The following ANKMY1 variants were observed in gnomAD, a reference collection of about 807,000 sequenced individuals.
ANKMY1 encodes the protein ankyrin repeat and MYND domain containing 1.
ANKMY1 carries 98 observed loss-of-function variants against 102.0 expected under a neutral mutation model. That is an observed-to-expected ratio of 0.96 (90% confidence interval 0.82 to 1.14). The LOEUF (loss-of-function observed/expected upper bound fraction) is 1.14. Ranked by LOEUF, ANKMY1 falls within the 50% of genes most tolerant of loss-of-function variation. The probability of loss-of-function intolerance (pLI) is 0.00; values close to 1 mark genes in which losing one functional copy is unlikely to be tolerated. For missense variants in ANKMY1, 1,330 were observed against 1,347.6 expected (o/e 0.99, Z 0.20); for synonymous variants, 582 against 559.9 (o/e 1.04, Z -0.56).
rs2083618820 is a variant in ANKMY1 at position 240,527,041 on chromosome 2, G to GT, written c.954-597dup. The GT allele has an allele frequency of 2.4e-5, 24 of 985,994 alleles. No individual in the cohort carries two copies. In the South Asian group the frequency reaches 1.1e-3, roughly 43 times the overall value. The allele number at this position is 985,994 out of a possible 1,614,324, so 61.1% of individuals were successfully genotyped here. Reference sequence around the variant, plus strand: ...GCATGATGGATGGATGGATGGTTGGGTAGGTGGATGTATGTTGCATGAGTG... The same window carrying GT: ...GCATGATGGATGGATGGATGGTTGGGTTAGGTGGATGTATGTTGCATGAGTG... On this transcript the variant is annotated intron_variant, in intron 5 of 17. Transcript: ENST00000401804.
intron 9 of ANKMY1, among the ~76,000 whole-genome samples, chr2:240,515,317 A>AC (rs2080987628): frequency 2.0e-5 from 3 of 152,160 alleles, no homozygotes; most frequent in African/African-American, 7.2e-5. Context: ...TGGGCGGATC[A>AC]CTAGGTCAGG....
At chr2:240,549,975 A>G (rs2091204053) in intron 4 of ANKMY1, among the ~76,000 whole-genome samples, 1 of 151,880 alleles carries the variant, frequency 6.6e-6, no homozygotes. Context: ...TCAGGGATCT[A>G]GAACTAGAAA....
chr2:240,507,050 A>G (rs2079198648), intron 13 of ANKMY1, among the ~76,000 whole-genome samples: 1 of 152,006 alleles, frequency 6.6e-6, no homozygotes, highest in South Asian at 2.1e-4. Context: ...GGTGAGGTCT[A>G]TGTCTATCCT....
At chr2:240,557,510 A>G (rs1165904036) in intron 1 of ANKMY1, 158 bp from the exon 2 acceptor site, 3 of 780,288 alleles carry the variant, frequency 3.8e-6, no homozygotes, top group East Asian at 3.3e-5. Flanking sequence ...GTCCCGGACC[A>G]CCATCCCTGG....
intron 4 of ANKMY1, among the ~76,000 whole-genome samples, chr2:240,549,624 G>GGGCTA (rs1476233213): frequency 9.2e-5 from 14 of 152,018 alleles, no homozygotes; most frequent in South Asian, 4.1e-4. Flanking sequence ...ATCTGACAAA[G>GGGCTA]GGCTAATATC....
intron 4 of ANKMY1, among the ~76,000 whole-genome samples, chr2:240,530,488 A>G (rs934782446): frequency 6.6e-6 from 1 of 152,134 alleles, no homozygotes; most frequent in African/African-American, 2.4e-5. Flanking sequence ...CTCCCACCAC[A>G]TGATGTGCCT....
chr2:240,472,063 C>G, the ANKMY1 span, among the ~76,000 whole-genome samples: 9 of 151,940 alleles, frequency 5.9e-5, no homozygotes, highest in African/African-American at 2.2e-4. Context: ...CAAGGACGTG[C>G]TGGGAGACAC....
At chr2:240,519,018 G>A in intron 9 of ANKMY1, among the ~76,000 whole-genome samples, 1 of 152,226 alleles carries the variant, frequency 6.6e-6, no homozygotes, top group East Asian at 1.9e-4. Context: ...TCAACACCCT[G>A]TGAAGAAGGT....
rs965081823 is a variant in ANKMY1 at position 240,500,090 on chromosome 2, G to A, written c.2674C>T (p.Leu892=). ...RRIARCPFHT[L]MPAERETFLA... is the part of the protein sequence containing the mutation. Reference sequence around the variant, plus strand: ...AACGTCTCGCGCTCTGCTGGCATCAGCGTGTGGAAGGGGCAGCGGGCAATC... The same window carrying A: ...AACGTCTCGCGCTCTGCTGGCATCAACGTGTGGAAGGGGCAGCGGGCAATC... Residue 892 remains leucine, a synonymous_variant, in exon 15 of 18, where the codon CTG becomes TTG. Coordinates refer to ENST00000401804, the MANE Select transcript of ANKMY1 (RefSeq NM_001282771.3). 1 of 1,610,064 alleles carries A rather than the reference G, an allele frequency of 6.2e-7. No individual in the cohort carries two copies. The highest frequency in any genetic ancestry group is 1.3e-5 in the African/African-American group (1 of 74,968).
intron 1 of ANKMY1, 61 bp from the exon 2 acceptor site, chr2:240,557,413 C>A (rs1231556039): frequency 7.1e-7 from 1 of 1,402,544 alleles, no homozygotes; most frequent in Non-Finnish European, 9.4e-7. Context: ...ACTCAGAGGG[C>A]GCCCGAGGCC....
chr2:240,522,526 T>C (rs1195798031), intron 8 of ANKMY1: 1 of 152,252 alleles, frequency 6.6e-6, no homozygotes, highest in Admixed American at 6.5e-5. Context: ...CTGATCATCG[T>C]GGTCTTCCTA....
chr2:240,556,132 G>A (rs887916225), intron 2 of ANKMY1, among the ~76,000 whole-genome samples: 1 of 152,130 alleles, frequency 6.6e-6, no homozygotes, highest in Non-Finnish European at 1.5e-5. Context: ...CCCATCATGG[G>A]CTCCATCTTC....
chr2:240,533,064 T>G (rs1468816381), intron 4 of ANKMY1, among the ~76,000 whole-genome samples: 1 of 152,182 alleles, frequency 6.6e-6, no homozygotes, highest in Non-Finnish European at 1.5e-5. Flanking sequence ...AAGGGATAAA[T>G]GGAGTTAAAA....
intron 9 of ANKMY1, among the ~76,000 whole-genome samples, chr2:240,517,371 A>T (rs982787758): frequency 1.4e-4 from 21 of 152,156 alleles, no homozygotes; most frequent in African/African-American, 5.1e-4. Flanking sequence ...TTGTTTTGGG[A>T]CCTTGAGAAG....
chr2:240,482,951 TG>T (rs1352403185), intron 15 of ANKMY1, among the ~76,000 whole-genome samples: 5 of 152,220 alleles, frequency 3.3e-5, no homozygotes, highest in African/African-American at 1.2e-4. Context: ...TTTTGCTTCA[TG>T]TATTTGGGTG....
rs1443825693 is a variant in ANKMY1 at position 240,529,297 on chromosome 2, C to T, written c.693G>A (p.Trp231Ter). The T allele has an allele frequency of 6.2e-7, 1 of 1,614,186 alleles. No homozygotes were observed. Among genetic ancestry groups the T allele is most frequent in the Non-Finnish European group, 8.5e-7 (1 of 1,180,044 alleles). ...AGGGATCCTGTCCCTCCTGCAGTCC[C>T]CACTCCGTTTTCTCCTCTTCTGAGA... ...ISLSEEEKTE[W>*]GLQEGQDPFF... The change falls in exon 5 of 18, where the codon TGG becomes TGA. Residue 231 changes from tryptophan to a stop codon, truncating the protein, a stop_gained. Coordinates refer to ENST00000401804, the MANE Select transcript of ANKMY1 (RefSeq NM_001282771.3). LOFTEE classifies it high-confidence loss of function. The surrounding 1 kb of genome is among the most constrained non-coding windows in gnomAD (Gnocchi z 4.2).
intron 15 of ANKMY1, among the ~76,000 whole-genome samples, chr2:240,488,971 C>T (rs539588241): frequency 6.6e-6 from 1 of 152,200 alleles, no homozygotes; most frequent in Admixed American, 6.5e-5. Flanking sequence ...CTTTCCCTTG[C>T]CTGATTCCTC....
chr2:240,548,543 G>A (rs1427931789), intron 4 of ANKMY1, among the ~76,000 whole-genome samples: 5 of 151,932 alleles, frequency 3.3e-5, no homozygotes, highest in African/African-American at 1.2e-4. Context: ...GAAATAAAGG[G>A]TATTCAATTA....
Position 240,523,984 on chromosome 2 carries a change from C to T in ANKMY1, c.1733G>A (p.Ser578Asn). 6.2e-7 allele frequency: 1 copy of T among 1,613,916 alleles called. No individual in the cohort carries two copies. The highest frequency in any genetic ancestry group is 8.5e-7 in the Non-Finnish European group (1 of 1,180,044). The change falls in exon 8 of 18, where the codon AGC becomes AAC. Residue 578 changes from serine (S) to asparagine (N), a missense_variant. Coordinates refer to ENST00000401804, the MANE Select transcript of ANKMY1 (RefSeq NM_001282771.3). ...CTTCAGCAAGCTGTGGGACTGGGCGCTTCTCTCCAGCATGGCCTGCGAGAG... is the reference window on the plus strand; with the variant it reads ...CTTCAGCAAGCTGTGGGACTGGGCGTTTCTCTCCAGCATGGCCTGCGAGAG... ...IELSQAMLER[S>N]AQSHSLLKMA...
Sources: gnomAD v4.1 joint callset for allele counts (sites outside exome capture counted in the v4.1 genomes callset) on GRCh38, gnomAD v4.1.1 for gene constraint, Gnocchi (gnomAD v3.1) non-coding constraint, MANE v1.5 for transcripts, NCBI Gene and HGNC (gene_info 2026-07-23, HGNC 2026-07-21) for gene names.